CD163: variants seen among roughly 807,000 people sequenced by gnomAD.
CD163 encodes scavenger receptor cysteine-rich type 1 protein M130.
In CD163, 64 loss-of-function variants were observed where a neutral mutation model predicts 129.2. The ratio of observed to expected loss-of-function variants is 0.50; its 90% confidence interval spans 0.41 to 0.61. CD163 has a LOEUF of 0.61. CD163 is among the 20% of genes least tolerant of loss of function. The pLI is 0.00. For synonymous variants in CD163, 446 were observed against 478.5 expected, an observed-to-expected ratio of 0.93 and a Z score of 0.89; for missense variants, 1,061 against 1,377.9, an observed-to-expected ratio of 0.77 and a Z score of 3.64.
At chr12:7,483,250 G>A (rs771486839) in intron 12 of CD163, 117 bp downstream of exon 12, 20 of 980,398 alleles carry the variant, frequency 2.0e-5, no homozygotes, top group Non-Finnish European at 2.8e-5. Flanking sequence ...ATGATTCTCT[G>A]AGAATCCCCA....
chr12:7,479,981 GA>G, intron 15 of CD163, 68 bp from the exon 16 acceptor site: 1 of 1,608,738 alleles, frequency 6.2e-7, no homozygotes, highest in Admixed American at 1.7e-5. Context: ...GAAATCAGCT[GA>G]CTCATGGGAA....
chr12:7,498,826 G>A (rs1267869326), intron 4 of CD163, 42 bp downstream of exon 4: 2 of 1,547,330 alleles, frequency 1.3e-6, no homozygotes, highest in South Asian at 1.2e-5. Context: ...CCTTTCTTTT[G>A]TCCTCTCCTG....
At chr12:7,475,559 C>T (rs1020812270) in intron 16 of CD163, among the ~76,000 whole-genome samples, 3 of 152,150 alleles carry the variant, frequency 2.0e-5, no homozygotes, top group African/African-American at 7.2e-5. Flanking sequence ...TAAAAACTCT[C>T]AATAAACTAG....
At chr12:7,489,271 G>A (rs1344256822) in intron 6 of CD163, among the ~76,000 whole-genome samples, 1 of 152,128 alleles carries the variant, frequency 6.6e-6, no homozygotes, top group Non-Finnish European at 1.5e-5. Context: ...TTGCCATAAA[G>A]TGATTTGTCA....
intron 16 of CD163, chr12:7,473,065 T>G (rs1949029351): frequency 6.6e-6 from 1 of 152,116 alleles, no homozygotes; most frequent in Non-Finnish European, 1.5e-5. Flanking sequence ...CCAAGAAATA[T>G]GGGACTATGT....
chr12:7,479,771 A>G lies in CD163; in HGVS notation c.*31+89T>C, dbSNP rs1044270384. ...AAGCAAATAAAATATGTTTATATAC[A>G]TTCTTTCTTTCTAATGCCAGAAGAG... On this transcript the variant is annotated intron_variant, in intron 16 of 16. Transcript: ENST00000432237. The G allele has an allele frequency of 5.1e-6, 7 of 1,364,388 alleles. No homozygotes were observed. The African/African-American group carries it at 7.4e-5, about 14-fold the overall frequency. 84.5% of individuals were successfully genotyped at this position (1,364,388 alleles called of 1,614,324 possible). A position where few individuals can be genotyped will look rare whatever the true frequency, so the allele number is the denominator to read the frequency against.
intron 16 of CD163, among the ~76,000 whole-genome samples, chr12:7,475,209 A>C (rs1292449440): frequency 6.6e-6 from 1 of 152,170 alleles, no homozygotes; most frequent in African/African-American, 2.4e-5. Context: ...AACAATAGAA[A>C]AAGAGAGACT....
At chr12:7,500,053 G>A (rs766148396) in intron 3 of CD163, among the ~76,000 whole-genome samples, 1 of 152,068 alleles carries the variant, frequency 6.6e-6, no homozygotes, top group Admixed American at 6.6e-5. Flanking sequence ...ATGATGCCTG[G>A]ACAGAGATAA....
rs773781751 is a variant in CD163, at chr12:7,486,803, T to C, written c.2154A>G (p.Gln718=). ...GACCTCCTCCATTTACCAGGCGAAG[T>C]TGACCACTCTCTGCAAAGAGAAATG... ...ESAVACIESG[Q]LRLVNGGGRC... The change falls in exon 10 of 17, where the codon CAA becomes CAG. Residue 718 remains glutamine (Q), a synonymous_variant. Coordinates refer to ENST00000432237, the MANE Select transcript of CD163 (RefSeq NM_203416.4). The C allele has an allele frequency of 3.9e-5, 63 of 1,609,430 alleles. No homozygotes were observed. Among genetic ancestry groups the C allele is most frequent in the Non-Finnish European group, 5.3e-5 (62 of 1,176,622 alleles).
chr12:7,483,685 C>G lies in CD163; in HGVS notation c.2780-10G>C. On this transcript the variant is annotated splice_polypyrimidine_tract_variant and intron_variant, in intron 11 of 16. Transcript: ENST00000432237. ...TGAAGTCTTATCTTGTCTGAAAAAT[C>G]AGAGACATGTAGCCTATTTCTAAGA... is the stretch of plus-strand genomic sequence containing the variant. 6.3e-7 allele frequency: 1 copy of G among 1,594,514 alleles called. No homozygotes were observed. The highest frequency in any genetic ancestry group is 8.6e-7 in the Non-Finnish European group (1 of 1,168,356).
intron 16 of CD163, among the ~76,000 whole-genome samples, chr12:7,472,927 T>C (rs930399764): frequency 1.3e-5 from 2 of 152,090 alleles, no homozygotes; most frequent in Admixed American, 1.3e-4. Context: ...TCGTGAAGTA[T>C]ACACAAGTAT....
Position 7,483,551 on chromosome 12 carries a change from T to C in CD163, c.2904A>G (p.Gln968=). The C allele has an allele frequency of 6.2e-7, 1 of 1,613,948 alleles. No individual in the cohort carries two copies. The highest frequency in any genetic ancestry group is 8.5e-7 in the Non-Finnish European group (1 of 1,179,978). The change falls in exon 12 of 17, where the codon CAA becomes CAG. Residue 968 remains glutamine (Q), a synonymous_variant. Coordinates refer to ENST00000432237, the MANE Select transcript of CD163 (RefSeq NM_203416.4). ...WDLDDAQVVC[Q]QLGCGPALKA... is the part of the protein sequence containing the mutation. ...TCAAAGCTGGACCACAGCCAAGTTG[T>C]TGACACACCACCTGAGCATCGTCCA...
At chr12:7,497,290 G>GGAA in intron 4 of CD163, among the ~76,000 whole-genome samples, 157 bp from the exon 5 acceptor site, 1 of 149,538 alleles carries the variant, frequency 6.7e-6, no homozygotes, top group South Asian at 2.1e-4. Flanking sequence ...CATTCAAGAT[G>GGAA]GAAGGAGGAG....
intron 16 of CD163, among the ~76,000 whole-genome samples, chr12:7,479,219 A>G (rs951886132): frequency 5.9e-5 from 9 of 152,094 alleles, no homozygotes; most frequent in Non-Finnish European, 1.3e-4. Flanking sequence ...ATAGACTATG[A>G]TATCTTTTAT....
rs1948995019 is a variant in CD163, at chr12:7,471,037, A to T, written c.*392T>A. ...AAATTATTCAAACCAAATAAGAAAAAATATACAGTACTGTATATGCAAATT... is the reference window on the plus strand; with the variant it reads ...AAATTATTCAAACCAAATAAGAAAATATATACAGTACTGTATATGCAAATT... On this transcript the variant is annotated 3_prime_UTR_variant, in exon 17 of 17. Transcript: ENST00000432237. 1 of 152,156 alleles carries T rather than the reference A, an allele frequency of 6.6e-6. No homozygotes were observed. The highest frequency in any genetic ancestry group is 2.1e-4 in the South Asian group (1 of 4,826). 9.4% of individuals were successfully genotyped at this position (152,156 alleles called of 1,614,324 possible). A position where few individuals can be genotyped will look rare whatever the true frequency, so the allele number is the denominator to read the frequency against.
intron 16 of CD163, among the ~76,000 whole-genome samples, chr12:7,476,198 A>G (rs1024558633): frequency 3.3e-5 from 5 of 152,210 alleles, no homozygotes; most frequent in African/African-American, 1.2e-4. Context: ...ATTCTCATCA[A>G]GCTACCATCG....
rs1565400060 is a variant in CD163, at chr12:7,483,506, C to T, written c.2949G>A (p.Glu983=). The T allele has an allele frequency of 6.2e-7, 1 of 1,614,106 alleles. No homozygotes were observed. The highest frequency in any genetic ancestry group is 8.5e-7 in the Non-Finnish European group (1 of 1,180,012). The change falls in exon 12 of 17, where the codon GAG becomes GAA. Residue 983 remains glutamate (E), a synonymous_variant. Transcript: ENST00000432237. ...ATATCGGTCCAGTCCCCTGACCAAA[C>T]TCTGCTTCTTTGAATGCTTTCAAAG... ...GPALKAFKEA[E]FGQGTGPIWL...
chr12:7,480,849 T>TA, intron 15 of CD163: 1 of 1,002,838 alleles, frequency 1.0e-6, no homozygotes. Flanking sequence ...AACTGTCACT[T>TA]ATGACAATCT....
rs539401203 is a variant in CD163 at position 7,492,380 on chromosome 12, T to C, written c.1420+2701A>G. Among the ~76,000 whole-genome samples, 112 of 152,228 alleles carry C rather than the reference T, an allele frequency of 7.4e-4. 2 individuals are homozygous for C. The South Asian group carries it at 0.023, about 31-fold the overall frequency. On this transcript the variant is annotated intron_variant, in intron 6 of 16. Transcript: ENST00000432237. Reference sequence around the variant, plus strand: ...GAACATGTTACCATAAGTAAGGTATTCTAGTAATGCAACCTAAAATATGGG... The same window carrying C: ...GAACATGTTACCATAAGTAAGGTATCCTAGTAATGCAACCTAAAATATGGG...
Sources: allele counts gnomAD v4.1 joint callset (sites outside exome capture counted in the v4.1 genomes callset), GRCh38; gene constraint gnomAD v4.1.1; transcripts MANE v1.5; gene names NCBI Gene and HGNC (gene_info 2026-07-23, HGNC 2026-07-21).